The following ACSM3 variants were observed in gnomAD, a reference collection of about 807,000 sequenced individuals.
The protein encoded by ACSM3 is acyl-coenzyme A synthetase ACSM3, mitochondrial.
ACSM3 carries 61 observed loss-of-function variants against 74.1 expected under a neutral mutation model. That is an observed-to-expected ratio of 0.82 (90% CI 0.67 to 1.02). The LOEUF (loss-of-function observed/expected upper bound fraction) is 1.02. Ranked by LOEUF, ACSM3 falls within the 50% of genes least tolerant of loss-of-function variation. The pLI is 0.00. For synonymous variants in ACSM3, 213 were observed against 241.5 expected (o/e 0.88, Z 1.09); for missense variants, 660 against 697.0 (o/e 0.95, Z 0.60).
chr16:20,712,622 C>T (rs1386185852), intron 1 of ACSM3, among the ~76,000 whole-genome samples: 2 of 151,358 alleles, frequency 1.3e-5, no homozygotes, highest in Non-Finnish European at 2.9e-5. Flanking sequence ...AAAATTATTC[C>T]AGGCCTGGTG....
At chr16:20,741,549 A>G (rs1384061668) in intron 1 of ACSM3, 1 of 1,320,666 alleles carries the variant, frequency 7.6e-7, no homozygotes. Flanking sequence ...TTCGTTGAGG[A>G]GGCTGTAGGC....
At chr16:20,793,173 T>C (rs2080640172) in intron 12 of ACSM3, among the ~76,000 whole-genome samples, 1 of 152,088 alleles carries the variant, frequency 6.6e-6, no homozygotes, top group African/African-American at 2.4e-5. Context: ...AAATAGGTCC[T>C]GAAGTTTAAG....
At chr16:20,737,752 T>C (rs1369008274) in intron 1 of ACSM3, 1 of 1,613,788 alleles carries the variant, frequency 6.2e-7, no homozygotes, top group African/African-American at 1.3e-5. Context: ...ATGACTGTTA[T>C]TTCGAGATTT....
At chr16:20,779,435 AAAAAG>A (rs1555486874) in intron 4 of ACSM3, among the ~76,000 whole-genome samples, 10 of 151,514 alleles carry the variant, frequency 6.6e-5, no homozygotes, top group East Asian at 1.9e-4. Context: ...CAAAAAAAAA[AAAAAG>A]AAAAGAAAAG....
Position 20,780,782 on chromosome 16 carries a change from G to A in ACSM3, c.707G>A (p.Ser236Asn). ...HNEIMAIFFT[S>N]GTSGYPKMTA... ...GAGATCATGGCCATATTCTTTACCA[G>A]TGGAACAAGTGGATATCCGAAAATG... Residue 236 changes from serine to asparagine, a missense_variant, in exon 5 of 14, where the codon AGT (serine) becomes AAT (asparagine). Transcript: ENST00000289416. 6.2e-7 allele frequency: 1 copy of A among 1,614,202 alleles called. No homozygotes were observed. The highest frequency in any genetic ancestry group is 8.5e-7 in the Non-Finnish European group (1 of 1,180,038).
At chr16:20,739,108 C>T (rs754465521) in intron 1 of ACSM3, 2 of 1,605,088 alleles carry the variant, frequency 1.2e-6, no homozygotes, top group East Asian at 4.5e-5. Flanking sequence ...AATGACACAA[C>T]AGCTCACATT....
At chr16:20,709,583 A>G (rs185891890) in intron 1 of ACSM3, among the ~76,000 whole-genome samples, 2 of 152,366 alleles carry the variant, frequency 1.3e-5, no homozygotes, top group East Asian at 1.9e-4. Flanking sequence ...CTAATTATTT[A>G]TAAGTCATTA....
chr16:20,738,978 A>G (rs767632972), intron 1 of ACSM3: 1 of 1,614,200 alleles, frequency 6.2e-7, no homozygotes, highest in South Asian at 1.1e-5. Context: ...ATCTCTGTAG[A>G]TGCCTTAATG....
chr16:20,741,741 G>A (rs1369835193), intron 1 of ACSM3: 2 of 1,566,422 alleles, frequency 1.3e-6, no homozygotes, highest in Non-Finnish European at 1.7e-6. Flanking sequence ...GGCCGCCATG[G>A]TGTGCGCAAA....
chr16:20,775,978 G>A lies in ACSM3; in HGVS notation c.359G>A (p.Gly120Glu). 1 of 1,614,198 alleles carries A rather than the reference G, an allele frequency of 6.2e-7. No homozygotes were observed. The highest frequency in any genetic ancestry group is 8.5e-7 in the Non-Finnish European group (1 of 1,180,038). ...ILSEACSLQRGDRVILILPRV... is the reference protein window; with the variant it reads ...ILSEACSLQREDRVILILPRV... Reference sequence around the variant, plus strand: ...TCAGAAGCCTGTTCCCTACAAAGAGGAGATCGGGTAATTCTGATTCTGCCC... The same window carrying A: ...TCAGAAGCCTGTTCCCTACAAAGAGAAGATCGGGTAATTCTGATTCTGCCC... The change falls in exon 3 of 14, where the codon GGA (glycine) becomes GAA (glutamate). Residue 120 changes from glycine (G) to glutamate (E), a missense_variant. Coordinates refer to ENST00000289416, the MANE Select transcript of ACSM3 (RefSeq NM_005622.4).
chr16:20,675,087 G>A (rs530462495), intron 1 of ACSM3, among the ~76,000 whole-genome samples: 1 of 152,314 alleles, frequency 6.6e-6, no homozygotes, highest in South Asian at 2.1e-4. Flanking sequence ...AACTGGGAGT[G>A]TGTGGGTGTG....
chr16:20,746,280 G>A (rs546944775), intron 1 of ACSM3, among the ~76,000 whole-genome samples: 13 of 152,256 alleles, frequency 8.5e-5, no homozygotes, highest in South Asian at 6.2e-4. Context: ...AATCATGGAA[G>A]CCTGTTTTTT....
At chr16:20,755,256 G>C (rs1257366467) in intron 2 of ACSM3, among the ~76,000 whole-genome samples, 3 of 152,140 alleles carry the variant, frequency 2.0e-5, no homozygotes, top group Non-Finnish European at 4.4e-5. Flanking sequence ...GTCTGTGTTT[G>C]AATTGAAAAT....
intron 12 of ACSM3, among the ~76,000 whole-genome samples, chr16:20,795,579 A>T (rs760518590): frequency 2.6e-5 from 4 of 152,238 alleles, no homozygotes; most frequent in Non-Finnish European, 2.9e-5. Flanking sequence ...GATTTCAGGC[A>T]CCTAAGTGCA....
chr16:20,683,691 C>A (rs552374395), intron 1 of ACSM3, among the ~76,000 whole-genome samples: 122 of 102,398 alleles, frequency 1.2e-3, no homozygotes, highest in Non-Finnish European at 2.1e-3. Flanking sequence ...CTGGCTAATT[C>A]TTTCTTTCTT....
intron 1 of ACSM3, among the ~76,000 whole-genome samples, chr16:20,739,245 G>A (rs914045495): frequency 1.3e-5 from 2 of 151,058 alleles, no homozygotes; most frequent in African/African-American, 4.9e-5. Flanking sequence ...GTGCGATCTT[G>A]ACTTGCTGCA....
intron 1 of ACSM3, chr16:20,738,822 G>T: frequency 6.6e-7 from 1 of 1,526,018 alleles, no homozygotes; most frequent in Non-Finnish European, 8.9e-7. Flanking sequence ...AAGCCATTTT[G>T]TAAGCAGTAT....
intron 1 of ACSM3, among the ~76,000 whole-genome samples, chr16:20,765,188 A>G (rs1048027958): frequency 5.9e-5 from 9 of 152,142 alleles, no homozygotes; most frequent in Non-Finnish European, 1.5e-5. Flanking sequence ...TTCCTTACCA[A>G]TGTTTCTGTG....
At chr16:20,694,404 G>A (rs962279131) in intron 1 of ACSM3, among the ~76,000 whole-genome samples, 1 of 152,066 alleles carries the variant, frequency 6.6e-6, no homozygotes, top group Non-Finnish European at 1.5e-5. Flanking sequence ...ATTTCTTTAC[G>A]GCACCAAGGA....
Sources: allele counts gnomAD v4.1 joint callset (sites outside exome capture counted in the v4.1 genomes callset), GRCh38; gene constraint gnomAD v4.1.1; transcripts MANE v1.5; gene names NCBI Gene and HGNC (gene_info 2026-07-23, HGNC 2026-07-21).